The following CPNE8 variants were observed in gnomAD, a reference collection of about 807,000 sequenced individuals.
CPNE8 encodes the protein copine-8.
CPNE8 carries 45 observed loss-of-function variants against 81.5 expected under a neutral mutation model. That is an observed-to-expected ratio of 0.55 (90% CI 0.44 to 0.71). CPNE8 has a LOEUF of 0.71. Among genes scored for constraint, CPNE8 ranks in the 30% least tolerant of loss-of-function variants. The probability of loss-of-function intolerance (pLI) is 0.00; values close to 1 mark genes in which losing one functional copy is unlikely to be tolerated. For synonymous variants in CPNE8, 252 were observed against 226.3 expected (o/e 1.11, Z -1.02); for missense variants, 594 against 672.1 (o/e 0.88, Z 1.28).
At chr12:38,699,959 T>G (rs1056979823) in intron 14 of CPNE8, among the ~76,000 whole-genome samples, 8 of 152,264 alleles carry the variant, frequency 5.3e-5, no homozygotes, top group African/African-American at 1.9e-4. Flanking sequence ...TTATAGTAGA[T>G]TTTCAGTGGA....
At chr12:38,861,864 T>A (rs1274460712) in intron 3 of CPNE8, among the ~76,000 whole-genome samples, 1 of 151,918 alleles carries the variant, frequency 6.6e-6, no homozygotes, top group East Asian at 1.9e-4. Flanking sequence ...TATAGAGTAG[T>A]GGTGAGCATT....
intron 6 of CPNE8, among the ~76,000 whole-genome samples, chr12:38,822,548 G>A (rs1158595678): frequency 6.6e-6 from 1 of 152,114 alleles, no homozygotes; most frequent in Non-Finnish European, 1.5e-5. Context: ...AAGTATTGAT[G>A]TTACTTACAA....
At chr12:38,902,281 AAG>A (rs1491320364) in intron 1 of CPNE8, among the ~76,000 whole-genome samples, 2 of 144,216 alleles carry the variant, frequency 1.4e-5, no homozygotes, top group Non-Finnish European at 3.0e-5. Context: ...AAAGAAAAGA[AAG>A]AAGGAAGGAA....
chr12:38,827,059 T>TA (rs969564074), intron 6 of CPNE8, among the ~76,000 whole-genome samples: 4 of 148,058 alleles, frequency 2.7e-5, no homozygotes, highest in Non-Finnish European at 4.4e-5. Context: ...CGTGCGCCTG[T>TA]AATCCCAGCT....
chr12:38,823,111 C>T (rs1351843923), intron 6 of CPNE8, among the ~76,000 whole-genome samples: 1 of 152,158 alleles, frequency 6.6e-6, no homozygotes, highest in Non-Finnish European at 1.5e-5. Flanking sequence ...ACAGTCAAAG[C>T]CTAACTTTCA....
chr12:38,748,726 A>G (rs1046622883), intron 10 of CPNE8, among the ~76,000 whole-genome samples: 1 of 152,092 alleles, frequency 6.6e-6, no homozygotes, highest in Admixed American at 6.6e-5. Context: ...GATGGTCTCA[A>G]TCTCCTGACC....
chr12:38,835,615 G>T (rs1943366917), intron 5 of CPNE8, among the ~76,000 whole-genome samples: 1 of 151,932 alleles, frequency 6.6e-6, no homozygotes, highest in Non-Finnish European at 1.5e-5. Context: ...TAATACTTTA[G>T]AATTTAGTTC....
Position 38,694,317 on chromosome 12 carries a change from G to A in CPNE8, c.962-479C>T, listed in dbSNP as rs139846692. Among the ~76,000 whole-genome samples, 31 of 152,226 alleles carry A rather than the reference G, an allele frequency of 2.0e-4. 1 individual carries two copies. In the East Asian group the frequency reaches 6.0e-3, roughly 29 times the overall value. ...CCAATTTAGCACTTAAAAAAGGGAA[G>A]TATAGTGATTTTCAAGTGCAGGCTG... On this transcript the variant is annotated intron_variant, in intron 14 of 19. Coordinates refer to ENST00000331366, the MANE Select transcript of CPNE8 (RefSeq NM_153634.3).
In CPNE8 at chr12:38,717,427, G is replaced by A. The variant is rs1026330092; in HGVS notation, c.914+6345C>T. Among the ~76,000 whole-genome samples the A allele has an allele frequency of 1.9e-4, 13 of 69,702 alleles. 1 individual carries two copies. Among genetic ancestry groups the A allele is most frequent in the South Asian group, 7.0e-4 (1 of 1,422 alleles). The allele number at this position is 69,702 out of a possible 152,430, so 45.7% of individuals were successfully genotyped here. On this transcript the variant is annotated intron_variant, in intron 13 of 19. Coordinates refer to ENST00000331366, the MANE Select transcript of CPNE8 (RefSeq NM_153634.3). ...CCAACAAGTAAACAAAGAAAGTGTG[G>A]TGTATATATATATATATATATATAT...
chr12:38,742,607 A>G (rs1941134238), intron 10 of CPNE8, among the ~76,000 whole-genome samples: 1 of 151,884 alleles, frequency 6.6e-6, no homozygotes, highest in Admixed American at 6.6e-5. Context: ...GCAGCACACC[A>G]ACATGGCACA....
chr12:38,834,223 A>G (rs946445446), intron 5 of CPNE8, among the ~76,000 whole-genome samples: 1 of 152,168 alleles, frequency 6.6e-6, no homozygotes, highest in African/African-American at 2.4e-5. Context: ...GATAACTCTG[A>G]GTTCCAACTT....
intron 6 of CPNE8, among the ~76,000 whole-genome samples, chr12:38,795,413 T>C (rs777302811): frequency 6.6e-5 from 10 of 152,314 alleles, no homozygotes; most frequent in Non-Finnish European, 1.2e-4. Flanking sequence ...CTTGAAGAGA[T>C]ATTTGCACAC....
At chr12:38,732,203 T>C (rs1020116118) in intron 10 of CPNE8, among the ~76,000 whole-genome samples, 9 of 151,950 alleles carry the variant, frequency 5.9e-5, no homozygotes, top group Non-Finnish European at 1.0e-4. Flanking sequence ...CAATCCAATG[T>C]TCAACTCTTA....
intron 3 of CPNE8, among the ~76,000 whole-genome samples, chr12:38,854,746 T>C (rs1407237865): frequency 1.3e-5 from 2 of 151,932 alleles, no homozygotes; most frequent in Non-Finnish European, 2.9e-5. Flanking sequence ...TCAAAACAAG[T>C]TAAGTTTTAA....
chr12:38,700,436 A>C (rs1052875531), intron 14 of CPNE8, among the ~76,000 whole-genome samples: 2 of 151,716 alleles, frequency 1.3e-5, no homozygotes, highest in African/African-American at 4.8e-5. Context: ...ACGGGGTTTC[A>C]CCATGTTGCC....
At chr12:38,885,563 C>T (rs1944225742) in intron 1 of CPNE8, among the ~76,000 whole-genome samples, 1 of 152,180 alleles carries the variant, frequency 6.6e-6, no homozygotes, top group Non-Finnish European at 1.5e-5. Flanking sequence ...GTAGCTGACC[C>T]TGTGAGAAGA....
chr12:38,896,832 T>C (rs1314790815), intron 1 of CPNE8, among the ~76,000 whole-genome samples: 1 of 152,126 alleles, frequency 6.6e-6, no homozygotes, highest in African/African-American at 2.4e-5. Flanking sequence ...TTTCTGTGGC[T>C]CCCCAAATTG....
intron 18 of CPNE8, among the ~76,000 whole-genome samples, chr12:38,672,672 A>G (rs1488098887): frequency 6.6e-6 from 1 of 152,212 alleles, no homozygotes; most frequent in African/African-American, 2.4e-5. Flanking sequence ...CTGCCTTTTA[A>G]GTATAAAGAA....
chr12:38,678,671 A>C (rs906722586), intron 16 of CPNE8, among the ~76,000 whole-genome samples: 1 of 151,982 alleles, frequency 6.6e-6, no homozygotes, highest in Admixed American at 6.6e-5. Flanking sequence ...ATTTAAAAAC[A>C]TATAAAGAAG....
Sources: allele counts gnomAD v4.1 joint callset (sites outside exome capture counted in the v4.1 genomes callset), GRCh38; gene constraint gnomAD v4.1.1; transcripts MANE v1.5; gene names NCBI Gene and HGNC (gene_info 2026-07-23, HGNC 2026-07-21).